CDH13: variants seen among roughly 807,000 people sequenced by gnomAD.
The protein encoded by CDH13 is cadherin-13.
CDH13 carries 24 observed loss-of-function variants against 63.8 expected under a neutral mutation model. The ratio of observed to expected loss-of-function variants is 0.38; its 90% CI spans 0.27 to 0.53. CDH13 has a LOEUF of 0.53. Ranked by LOEUF, CDH13 falls within the 20% of genes least tolerant of loss-of-function variation. The probability of loss-of-function intolerance (pLI) is 0.85; values close to 1 mark genes in which losing one functional copy is unlikely to be tolerated. For synonymous variants in CDH13, 503 were observed against 355.3 expected (o/e 1.42, Z -4.67); for missense variants, 1,049 against 903.1 (o/e 1.16, Z -2.07).
chr16:82,847,857 C>A (rs1295412589), intron 1 of CDH13, among the ~76,000 whole-genome samples: 2 of 151,508 alleles, frequency 1.3e-5, no homozygotes, highest in Non-Finnish European at 2.9e-5. Context: ...GCTTTTTGCC[C>A]CATGCTTTTC....
rs55664829 is a variant in CDH13 at position 83,580,448 on chromosome 16, T to TTCTCTCTCTCTC, written c.961-21958_961-21947dup. Among the ~76,000 whole-genome samples the TTCTCTCTCTCTC allele has an allele frequency of 2.1e-4, 16 of 76,420 alleles. No individual in the cohort carries two copies. In the East Asian group the frequency reaches 3.1e-3, roughly 15 times the overall value. 50.1% of individuals were successfully genotyped at this position (76,420 alleles called of 152,430 possible). A position where few individuals can be genotyped will look rare whatever the true frequency, so the allele number is the denominator to read the frequency against. On this transcript the variant is annotated intron_variant, in intron 7 of 13. Coordinates refer to ENST00000567109, the MANE Select transcript of CDH13 (RefSeq NM_001257.5). ...GCACCCAGTTTTCATTTCTGTTCAT[T>TTCTCTCTCTCTC]TCTCTCTCTCTCTCTCTCTCTCTCT... is the stretch of plus-strand genomic sequence containing the variant.
chr16:82,658,160 T>G (rs545499931), intron 1 of CDH13, among the ~76,000 whole-genome samples: 2 of 152,338 alleles, frequency 1.3e-5, no homozygotes, highest in South Asian at 4.1e-4. Flanking sequence ...TATTGATATG[T>G]GCATGTGATA....
chr16:83,517,348 C>T (rs115197630), intron 7 of CDH13, among the ~76,000 whole-genome samples: 299 of 152,298 alleles, frequency 2.0e-3, no homozygotes, highest in African/African-American at 7.1e-3. Flanking sequence ...TTTTAGTAGG[C>T]ATAGCGCAAC....
At chr16:83,045,698 A>T (rs778768027) in intron 3 of CDH13, among the ~76,000 whole-genome samples, 2 of 151,822 alleles carry the variant, frequency 1.3e-5, no homozygotes, top group African/African-American at 2.4e-5. Flanking sequence ...AACATCTCCA[A>T]TGATGAGAAA....
At chr16:83,602,372 T>C in intron 7 of CDH13, 82 bp from the exon 8 acceptor site, 1 of 1,408,494 alleles carries the variant, frequency 7.1e-7, no homozygotes, top group Non-Finnish European at 1.0e-6. Context: ...GAGAGACAGC[T>C]CCAGCAACAC....
At chr16:82,641,427 C>G (rs1030221741) in intron 1 of CDH13, among the ~76,000 whole-genome samples, 42 of 152,198 alleles carry the variant, frequency 2.8e-4, no homozygotes, top group African/African-American at 9.9e-4. Context: ...CTCAGTAGAG[C>G]TAATGGTAAC....
intron 5 of CDH13, among the ~76,000 whole-genome samples, chr16:83,237,147 A>G (rs1000708520): frequency 2.0e-5 from 3 of 152,112 alleles, no homozygotes; most frequent in African/African-American, 7.2e-5. Flanking sequence ...ATTTTAGGAA[A>G]TTGCAGCCTA....
intron 10 of CDH13, among the ~76,000 whole-genome samples, chr16:83,736,897 C>T (rs1375072316): frequency 2.0e-5 from 3 of 152,190 alleles, no homozygotes; most frequent in Non-Finnish European, 2.9e-5. Context: ...GACTTGCTTG[C>T]CTGGAACAGG....
intron 5 of CDH13, among the ~76,000 whole-genome samples, chr16:83,273,048 C>T (rs1379423792): frequency 3.3e-5 from 5 of 152,136 alleles, no homozygotes; most frequent in South Asian, 2.1e-4. Flanking sequence ...GCTTTTGTTT[C>T]GTAACTTCAG....
At chr16:83,080,405 A>C (rs1056465738) in intron 3 of CDH13, among the ~76,000 whole-genome samples, 4 of 152,208 alleles carry the variant, frequency 2.6e-5, no homozygotes, top group African/African-American at 9.7e-5. Context: ...GAATTAAATG[A>C]ATAAGAATAG....
At chr16:83,413,366 C>T (rs948279160) in intron 6 of CDH13, among the ~76,000 whole-genome samples, 1 of 152,118 alleles carries the variant, frequency 6.6e-6, no homozygotes, top group African/African-American at 2.4e-5. Flanking sequence ...GTAATAAAAA[C>T]AGAATTTTTC....
chr16:83,626,942 T>C (rs1910361204), intron 8 of CDH13, among the ~76,000 whole-genome samples: 2 of 152,052 alleles, frequency 1.3e-5, no homozygotes, highest in South Asian at 4.2e-4. Flanking sequence ...GCATCTCACC[T>C]CTCTCGGCTC....
At chr16:83,210,914 C>A (rs71402055) in intron 4 of CDH13, among the ~76,000 whole-genome samples, 19 of 151,448 alleles carry the variant, frequency 1.3e-4, no homozygotes, top group Non-Finnish European at 8.8e-5. Flanking sequence ...CTTTGGGAGG[C>A]CGAGGCAGGC....
chr16:83,257,244 A>G (rs1906406319), intron 5 of CDH13, among the ~76,000 whole-genome samples: 1 of 151,638 alleles, frequency 6.6e-6, no homozygotes, highest in Non-Finnish European at 1.5e-5. Context: ...ACAGGCGAAG[A>G]GGAGAGAAAG....
At chr16:83,438,071 A>G (rs9806830) in intron 6 of CDH13, among the ~76,000 whole-genome samples, 63,371 of 151,940 alleles carry the variant, frequency 0.42, 13,568 homozygotes, top group Admixed American at 0.52. Flanking sequence ...TCTAAAGCAC[A>G]CACCTGATGA....
chr16:83,477,943 A>G (rs906103519), intron 6 of CDH13, among the ~76,000 whole-genome samples: 1 of 152,130 alleles, frequency 6.6e-6, no homozygotes. Flanking sequence ...GCACTTTGGG[A>G]GGCCGAGTCG....
At chr16:82,905,043 T>C (rs2041596146) in intron 2 of CDH13, among the ~76,000 whole-genome samples, 1 of 152,134 alleles carries the variant, frequency 6.6e-6, no homozygotes, top group African/African-American at 2.4e-5. Context: ...ATTGGACTCT[T>C]CCCTAGAAGC....
chr16:82,658,933 G>C (rs1374852408), intron 1 of CDH13, among the ~76,000 whole-genome samples: 1 of 152,196 alleles, frequency 6.6e-6, no homozygotes, highest in East Asian at 1.9e-4. Context: ...TCAAGGGGGT[G>C]GATTTTCTCA....
intron 6 of CDH13, among the ~76,000 whole-genome samples, chr16:83,382,469 G>A (rs376678570): frequency 1.5e-4 from 23 of 152,108 alleles, no homozygotes; most frequent in African/African-American, 2.4e-4. Context: ...ATTTCACTGC[G>A]TACACTCTAT....
Sources: allele counts gnomAD v4.1 joint callset (sites outside exome capture counted in the v4.1 genomes callset), GRCh38; gene constraint gnomAD v4.1.1; transcripts MANE v1.5; gene names NCBI Gene and HGNC (gene_info 2026-07-23, HGNC 2026-07-21).